The following GPHN variants were observed in gnomAD, a reference collection of about 807,000 sequenced individuals.
GPHN encodes gephyrin.
A neutral mutation model predicts 95.5 loss-of-function variants in GPHN; 17 were observed. The ratio of observed to expected loss-of-function variants is 0.18; its 90% confidence interval spans 0.12 to 0.27. The LOEUF is 0.27. Among genes scored for constraint, GPHN ranks in the 10% least tolerant of loss-of-function variants. The pLI, the probability that GPHN is intolerant of heterozygous loss-of-function variation, is 1.00. For missense variants in GPHN, 660 were observed against 978.1 expected (o/e 0.67, Z 4.34); for synonymous variants, 320 against 322.5 (o/e 0.99, Z 0.08).
intron 9 of GPHN, among the ~76,000 whole-genome samples, chr14:66,966,702 A>G (rs1279941869): frequency 2.0e-5 from 3 of 152,188 alleles, no homozygotes; most frequent in South Asian, 2.1e-4. Context: ...TAAGTTCACT[A>G]TAAGATGTTT....
At chr14:66,877,687 G>A (rs1266292189) in intron 4 of GPHN, among the ~76,000 whole-genome samples, 1 of 152,072 alleles carries the variant, frequency 6.6e-6, no homozygotes, top group Admixed American at 6.6e-5. Context: ...GGGATGTGAA[G>A]GACCTCTTCA....
chr14:66,825,143 G>C (rs1467630008), intron 4 of GPHN, among the ~76,000 whole-genome samples: 1 of 152,016 alleles, frequency 6.6e-6, no homozygotes, highest in Non-Finnish European at 1.5e-5. Context: ...AGAAAAATTA[G>C]GGAAAGAATG....
intron 1 of GPHN, among the ~76,000 whole-genome samples, chr14:66,668,859 T>C (rs574352102): frequency 6.6e-6 from 1 of 151,972 alleles, no homozygotes; most frequent in East Asian, 1.9e-4. Flanking sequence ...TTGTATTACC[T>C]TTCCCACTTT....
chr14:67,439,579 TTCTTTC>T, the GPHN span, among the ~76,000 whole-genome samples: 1 of 127,396 alleles, frequency 7.8e-6, no homozygotes, highest in Non-Finnish European at 1.6e-5. Flanking sequence ...CTTTCTTTCT[TTCTTTC>T]TTTCTTTCTT....
intron 1 of GPHN, among the ~76,000 whole-genome samples, chr14:66,604,088 G>C (rs1358244122): frequency 6.6e-6 from 1 of 152,024 alleles, no homozygotes; most frequent in African/African-American, 2.4e-5. Flanking sequence ...AACATTGCAT[G>C]AACTATAGGT....
the GPHN span, among the ~76,000 whole-genome samples, chr14:67,630,426 G>C: frequency 6.6e-6 from 1 of 152,172 alleles, no homozygotes; most frequent in African/African-American, 2.4e-5. Context: ...CTCAGCAGCA[G>C]GATGGAAGAA....
the GPHN span, among the ~76,000 whole-genome samples, chr14:67,323,232 C>CGTGTGTGTGTGTGTGTGT: frequency 8.0e-4 from 115 of 143,602 alleles, no homozygotes; most frequent in African/African-American, 2.8e-3. Flanking sequence ...CATATATACA[C>CGTGTGTGTGTGTGTGTGT]GTGTGTGTGT....
chr14:67,295,468 C>T, the GPHN span, among the ~76,000 whole-genome samples: 8 of 147,564 alleles, frequency 5.4e-5, no homozygotes, highest in Non-Finnish European at 8.9e-5. Context: ...CCAGTCTGGG[C>T]GACGGAGTGA....
the GPHN span, among the ~76,000 whole-genome samples, chr14:67,548,215 T>A: frequency 6.6e-6 from 1 of 152,236 alleles, no homozygotes; most frequent in Non-Finnish European, 1.5e-5. Context: ...TTCCTTGGAC[T>A]TTTTCATTCT....
intron 4 of GPHN, among the ~76,000 whole-genome samples, chr14:66,848,449 G>A (rs1289239357): frequency 6.6e-6 from 1 of 152,056 alleles, no homozygotes; most frequent in African/African-American, 2.4e-5. Flanking sequence ...TAGATATCCT[G>A]CTTCTCATGA....
At chr14:66,646,798 C>A (rs912299124) in intron 1 of GPHN, among the ~76,000 whole-genome samples, 1 of 152,066 alleles carries the variant, frequency 6.6e-6, no homozygotes, top group South Asian at 2.1e-4. Flanking sequence ...TTTGGTCACA[C>A]AACAGGGTAA....
chr14:66,692,497 G>A (rs942934101), intron 2 of GPHN, among the ~76,000 whole-genome samples: 9 of 152,052 alleles, frequency 5.9e-5, no homozygotes, highest in Non-Finnish European at 1.2e-4. Context: ...AGTAGGCCTG[G>A]GACTCCAACC....
the GPHN span, chr14:67,575,852 T>G: frequency 6.2e-7 from 1 of 1,613,886 alleles, no homozygotes; most frequent in Non-Finnish European, 8.5e-7. Flanking sequence ...CTGTGCGGGA[T>G]GCGCACATAG....
At chr14:67,587,299 G>A in the GPHN span, 1 of 1,576,758 alleles carries the variant, frequency 6.3e-7, no homozygotes, top group Non-Finnish European at 8.7e-7. Flanking sequence ...ATATATCCTA[G>A]GGTATGATAC....
At chr14:66,837,549 C>G (rs867515398) in intron 4 of GPHN, among the ~76,000 whole-genome samples, 7 of 149,114 alleles carry the variant, frequency 4.7e-5, no homozygotes, top group Non-Finnish European at 8.9e-5. Flanking sequence ...ACGTATGTAA[C>G]TAACCTGCAC....
the GPHN span, chr14:67,724,678 C>G: frequency 9.5e-7 from 1 of 1,052,170 alleles, no homozygotes; most frequent in Admixed American, 1.8e-5. Context: ...TTTGTGTTTC[C>G]TCCTAGGCTT....
chr14:66,542,151 C>A (rs1432955888), intron 1 of GPHN, among the ~76,000 whole-genome samples: 1 of 152,158 alleles, frequency 6.6e-6, no homozygotes, highest in African/African-American at 2.4e-5. Context: ...AAGTTAGTAT[C>A]TGTTAGTGTC....
At chr14:66,548,241 C>T (rs1566583393) in intron 1 of GPHN, among the ~76,000 whole-genome samples, 1 of 147,236 alleles carries the variant, frequency 6.8e-6, no homozygotes, top group African/African-American at 2.5e-5. Flanking sequence ...AGTGCAATGG[C>T]ACGATCTCGG....
chr14:67,397,546 A>G, the GPHN span: 4 of 854,778 alleles, frequency 4.7e-6, no homozygotes, highest in Non-Finnish European at 7.0e-6. Context: ...TTTGAATCCA[A>G]GTTTTTCAAT....
Sources: gnomAD v4.1 joint callset for allele counts (sites outside exome capture counted in the v4.1 genomes callset) on GRCh38, gnomAD v4.1.1 for gene constraint, MANE v1.5 for transcripts, NCBI Gene and HGNC (gene_info 2026-07-23, HGNC 2026-07-21) for gene names.